Variants in HACD4 observed in about 807,000 individuals in gnomAD.
HACD4 encodes the protein 3-hydroxyacyl-CoA dehydratase 4.
HACD4 carries 35 observed loss-of-function variants against 33.3 expected under a neutral mutation model. The ratio of observed to expected loss-of-function variants is 1.05; its 90% confidence interval spans 0.80 to 1.39. The LOEUF is 1.39. Ranked by LOEUF, HACD4 falls within the 40% of genes most tolerant of loss-of-function variation. HACD4 has a pLI of 0.00. For synonymous variants in HACD4, 118 were observed against 98.0 expected (o/e 1.20, Z -1.21); for missense variants, 323 against 276.5 (o/e 1.17, Z -1.19).
chr9:21,006,974 G>A lies in HACD4; in HGVS notation c.*63C>T. 1.1e-6 allele frequency: 1 copy of A among 936,680 alleles called. No homozygotes were observed. Among genetic ancestry groups the A allele is most frequent in the Non-Finnish European group, 1.8e-6 (1 of 564,354 alleles). The allele number at this position is 936,680 out of a possible 1,614,324, so 58.0% of individuals were successfully genotyped here. A position where few individuals can be genotyped will look rare whatever the true frequency, so the allele number is the denominator to read the frequency against. On this transcript the variant is annotated 3_prime_UTR_variant, in exon 7 of 7. Coordinates refer to ENST00000495827, the MANE Select transcript of HACD4 (RefSeq NM_001010915.5). This position sits in a 1 kb window ranked among gnomAD's most constrained non-coding sequence, Gnocchi z 4.6. ...ATTTTTCCACCAGAATACTTCCTGT[G>A]TTTTATTTACTGCACTGAATCCACA...
chr9:21,012,918 T>C (rs1269166592), intron 4 of HACD4, among the ~76,000 whole-genome samples: 3 of 151,988 alleles, frequency 2.0e-5, no homozygotes, highest in Non-Finnish European at 4.4e-5. Flanking sequence ...AATACAAAAA[T>C]TAGCCGGGCG....
intron 4 of HACD4, among the ~76,000 whole-genome samples, chr9:21,012,095 A>C (rs1842450752): frequency 6.6e-6 from 1 of 152,224 alleles, no homozygotes; most frequent in African/African-American, 2.4e-5. Flanking sequence ...GTGACTTCCA[A>C]ATCTTTATTT....
chr9:21,022,279 G>A (rs1462205534), intron 3 of HACD4, among the ~76,000 whole-genome samples: 1 of 152,116 alleles, frequency 6.6e-6, no homozygotes, highest in Non-Finnish European at 1.5e-5. Context: ...AACCCTAGAA[G>A]AACACCTAGG....
Position 21,000,097 on chromosome 9 carries a change from T to A in HACD4, c.*6940A>T, listed in dbSNP as rs148616256. 1 of 152,306 alleles carries A rather than the reference T, an allele frequency of 6.6e-6. No individual in the cohort carries two copies. Among genetic ancestry groups the A allele is most frequent in the East Asian group, 1.9e-4 (1 of 5,194 alleles). The allele number at this position is 152,306 out of a possible 1,614,324, so 9.4% of individuals were successfully genotyped here. The stretch of plus-strand genomic sequence containing the variant: ...ATTATCTTTCACAAGAACCCCATCA[T>A]TCAGCTGAATACCATGAAGTAACAA... On this transcript the variant is annotated 3_prime_UTR_variant, in exon 7 of 7. Coordinates refer to ENST00000495827, the MANE Select transcript of HACD4 (RefSeq NM_001010915.5).
chr9:21,006,836 G>C lies in HACD4; in HGVS notation c.*201C>G, dbSNP rs1267591775. On this transcript the variant is annotated 3_prime_UTR_variant, in exon 7 of 7. Coordinates refer to ENST00000495827, the MANE Select transcript of HACD4 (RefSeq NM_001010915.5). This position sits in a 1 kb window ranked among gnomAD's most constrained non-coding sequence, Gnocchi z 4.6. ...AGGAATTTTGGTGAAGCAGGGTATG[G>C]AGAATATATATGTCTTAAAAATACA... is the stretch of plus-strand genomic sequence containing the variant. 1.8e-6 allele frequency: 1 copy of C among 552,946 alleles called. No individual in the cohort carries two copies. The highest frequency in any genetic ancestry group is 1.9e-5 in the African/African-American group (1 of 52,236). The allele number at this position is 552,946 out of a possible 1,614,324, so 34.3% of individuals were successfully genotyped here.
rs1199291349 is a variant in HACD4 at position 21,015,911 on chromosome 9, A to G, written c.370T>C (p.Leu124=). ...VCVLFVFWNL[L]DMVRYTYSML... is the part of the protein sequence containing the mutation. ...TTGCCTTCTTACCTAACCATATCCA[A>G]TAGATTCCAAAAGACGAATAAAACA... Residue 124 remains leucine, a synonymous_variant, in exon 4 of 7, where the codon TTG becomes CTG. Coordinates refer to ENST00000495827, the MANE Select transcript of HACD4 (RefSeq NM_001010915.5). 3.1e-6 allele frequency: 5 copies of G among 1,610,128 alleles called. No individual in the cohort carries two copies. Among genetic ancestry groups the G allele is most frequent in the Non-Finnish European group, 4.2e-6 (5 of 1,176,702 alleles).
chr9:21,012,822 T>C (rs1396876153), intron 4 of HACD4, among the ~76,000 whole-genome samples: 1 of 152,160 alleles, frequency 6.6e-6, no homozygotes, highest in East Asian at 1.9e-4. Flanking sequence ...ATCCCAGCAC[T>C]TTGGGAGGCC....
At chr9:21,020,983 G>A (rs1817893979) in intron 3 of HACD4, among the ~76,000 whole-genome samples, 1 of 151,930 alleles carries the variant, frequency 6.6e-6, no homozygotes, top group Non-Finnish European at 1.5e-5. Flanking sequence ...ATTTAAAAAT[G>A]CACAGGGCAA....
chr9:21,008,004 C>T lies in HACD4; in HGVS notation c.616+17G>A. On this transcript the variant is annotated intron_variant, in intron 6 of 6. Transcript: ENST00000495827. ...GTACAGGAAAAATGCAAAAACAAGA[C>T]CAAAAAAGCCACTTACCTATAAAGA... 6.4e-7 allele frequency: 1 copy of T among 1,571,502 alleles called. No homozygotes were observed. The highest frequency in any genetic ancestry group is 8.6e-7 in the Non-Finnish European group (1 of 1,161,936).
In HACD4 at chr9:21,000,710, C is replaced by G. The variant is rs933576091; in HGVS notation, c.*6327G>C. On this transcript the variant is annotated 3_prime_UTR_variant, in exon 7 of 7. Transcript: ENST00000495827. ...ATAATTATTAAAAAGCAGTAATAAA[C>G]AAGTGGAAGATAGATACTGGGTAAA... 3.3e-5 allele frequency: 5 copies of G among 152,046 alleles called. No homozygotes were observed. Among genetic ancestry groups the G allele is most frequent in the African/African-American group, 1.2e-4 (5 of 41,438 alleles). The allele number at this position is 152,046 out of a possible 1,614,324, so 9.4% of individuals were successfully genotyped here.
At chr9:21,009,071 T>C (rs1003024679) in intron 5 of HACD4, among the ~76,000 whole-genome samples, 5 of 152,152 alleles carry the variant, frequency 3.3e-5, no homozygotes, top group Non-Finnish European at 7.4e-5. Flanking sequence ...TCAGTATAAT[T>C]AGTTGATTTT....
intron 1 of HACD4, 98 bp downstream of exon 1, chr9:21,031,454 GC>G: frequency 7.4e-7 from 1 of 1,350,904 alleles, no homozygotes; most frequent in Non-Finnish European, 9.4e-7. Flanking sequence ...TTGCTGGCGG[GC>G]GGGGGGTGCC....
At position 21,007,041 on chromosome 9, in the gene HACD4, ATCT is replaced by A. The variant is rs745745507; in HGVS notation, c.692_694del (p.Lys231del). Reference sequence around the variant, plus strand: ...GTCACACTGGAATGCTGTACTTCACATCTTCTTTTTTTTAATGGGAAAGATTCC... The same window carrying A: ...GTCACACTGGAATGCTGTACTTCACATCTTTTTTTTAATGGGAAAGATTCC... On this transcript the variant is annotated inframe_deletion, in exon 7 of 7. Transcript: ENST00000495827. 53 of 1,553,878 alleles carry A rather than the reference ATCT, an allele frequency of 3.4e-5. 1 individual carries two copies. Among genetic ancestry groups the A allele is most frequent in the African/African-American group, 2.4e-4 (18 of 73,616 alleles).
rs572978477 is a variant in HACD4, at chr9:21,008,286, C to G, written c.491-140G>C. The G allele has an allele frequency of 7.5e-4, 537 of 712,556 alleles. 1 individual carries two copies. The highest frequency in any genetic ancestry group is 1.1e-3 in the Non-Finnish European group (500 of 467,606). The allele number at this position is 712,556 out of a possible 1,614,324, so 44.1% of individuals were successfully genotyped here. A position where few individuals can be genotyped will look rare whatever the true frequency, so the allele number is the denominator to read the frequency against. On this transcript the variant is annotated intron_variant, in intron 5 of 6. Transcript: ENST00000495827. ...TAGTTGCTGAATCTTTTTGCTAAACCTAGTTTAATATAGAAATCTGTGAAA... is the reference window on the plus strand; with the variant it reads ...TAGTTGCTGAATCTTTTTGCTAAACGTAGTTTAATATAGAAATCTGTGAAA...
intron 1 of HACD4, among the ~76,000 whole-genome samples, chr9:21,030,896 G>C (rs1488629425): frequency 6.6e-6 from 1 of 152,204 alleles, no homozygotes; most frequent in African/African-American, 2.4e-5. Flanking sequence ...TGGGAGTTCA[G>C]AAGAGTGACG....
intron 6 of HACD4, 111 bp downstream of exon 6, chr9:21,007,910 C>G: frequency 2.2e-6 from 2 of 925,768 alleles, no homozygotes; most frequent in Non-Finnish European, 3.1e-6. Flanking sequence ...TGATGTCAGG[C>G]TTCCTCTTTG....
rs1446735475 is a variant in HACD4, at chr9:21,026,677, A to C, written c.189T>G (p.Leu63=). 2 of 1,613,450 alleles carry C rather than the reference A, an allele frequency of 1.2e-6. No individual in the cohort carries two copies. Among genetic ancestry groups the C allele is most frequent in the East Asian group, 4.5e-5 (2 of 44,884 alleles). ...TFYAIGLVMR[L]CQSVSLLELL... The stretch of plus-strand genomic sequence containing the variant: ...GTTCCAGGAGAGATACGGATTGGCA[A>C]AGTCGCATCACAAGTCCAATAGCAT... Residue 63 remains leucine (L), a synonymous_variant, in exon 3 of 7, where the codon CTT becomes CTG. Transcript: ENST00000495827.
rs142329233 is a variant in HACD4 at position 21,014,601 on chromosome 9, T to G, written c.383+1297A>C. 1.2e-3 allele frequency among the ~76,000 whole-genome samples: 184 copies of G among 152,260 alleles called. 1 individual carries two copies. Among genetic ancestry groups the G allele is most frequent in the Middle Eastern group, 6.8e-3 (2 of 294 alleles). ...CTGCTACTGGGTATAAGGTTTCTTT[T>G]ATGGGTGATCAAAATGTTCTAGGAT... On this transcript the variant is annotated intron_variant, in intron 4 of 6. Transcript: ENST00000495827.
chr9:21,016,476 T>C lies in HACD4; in HGVS notation c.271-466A>G, dbSNP rs560150948. On this transcript the variant is annotated intron_variant, in intron 3 of 6. Coordinates refer to ENST00000495827, the MANE Select transcript of HACD4 (RefSeq NM_001010915.5). ...TGCCTGGAGAAAGAATGCAAAGAGA[T>C]TAATGAAGACATGCTACATTTCATT... Among the ~76,000 whole-genome samples, 3 of 152,264 alleles carry C rather than the reference T, an allele frequency of 2.0e-5. No individual in the cohort carries two copies. In the East Asian group the frequency reaches 5.8e-4, roughly 29 times the overall value.
Sources: gnomAD v4.1 joint callset for allele counts (sites outside exome capture counted in the v4.1 genomes callset) on GRCh38, gnomAD v4.1.1 for gene constraint, Gnocchi (gnomAD v3.1) non-coding constraint, MANE v1.5 for transcripts, NCBI Gene and HGNC (gene_info 2026-07-23, HGNC 2026-07-21) for gene names.